The following HORMAD2 variants were observed in gnomAD, a reference collection of about 807,000 sequenced individuals.
HORMAD2 encodes HORMA domain-containing protein 2.
HORMAD2 carries 45 observed loss-of-function variants against 38.8 expected under a neutral mutation model. The observed-to-expected ratio is 1.16, with a 90% confidence interval of 0.91 to 1.49. HORMAD2 has a LOEUF of 1.49. Ranked by LOEUF, HORMAD2 falls within the 40% of genes most tolerant of loss-of-function variation. The probability of loss-of-function intolerance (pLI) is 0.00; values close to 1 mark genes in which losing one functional copy is unlikely to be tolerated. For synonymous variants in HORMAD2, 126 were observed against 122.8 expected, an observed-to-expected ratio of 1.03 and a Z score of -0.17; for missense variants, 338 against 367.0, an observed-to-expected ratio of 0.92 and a Z score of 0.65.
chr22:30,132,222 T>C lies in HORMAD2; in HGVS notation c.819+10008T>C, dbSNP rs115424829. On this transcript the variant is annotated intron_variant, in intron 10 of 10. Transcript: ENST00000336726. ...CAAGAATATCTCAGATTCTTGGAAG[T>C]GGGGTAGATTATTGAAAGCACTGGA... 4.7e-3 allele frequency among the ~76,000 whole-genome samples: 722 copies of C among 152,172 alleles called. 8 individuals carry two copies. The highest frequency in any genetic ancestry group is 0.016 in the African/African-American group (684 of 41,542).
At chr22:30,127,613 G>T (rs1173967478) in intron 10 of HORMAD2, among the ~76,000 whole-genome samples, 1 of 152,164 alleles carries the variant, frequency 6.6e-6, no homozygotes, top group Non-Finnish European at 1.5e-5. Flanking sequence ...CAAGTGCTGG[G>T]ATTATAGGCG....
chr22:30,081,653 G>A (rs1014856237), intron 1 of HORMAD2, among the ~76,000 whole-genome samples: 5 of 151,918 alleles, frequency 3.3e-5, no homozygotes, highest in Non-Finnish European at 7.4e-5. Context: ...TCAGCTCACT[G>A]CAACCTCCAC....
At chr22:30,111,980 A>G (rs1239993400) in intron 6 of HORMAD2, among the ~76,000 whole-genome samples, 164 bp downstream of exon 6, 1 of 151,988 alleles carries the variant, frequency 6.6e-6, no homozygotes, top group African/African-American at 2.4e-5. Context: ...ATAAAAGATT[A>G]TGAATTGTAT....
Position 30,177,013 on chromosome 22 carries a change from A to C in HORMAD2, c.*846A>C, listed in dbSNP as rs1293832970. 6.5e-6 allele frequency: 1 copy of C among 152,734 alleles called. No individual in the cohort carries two copies. The highest frequency in any genetic ancestry group is 2.4e-5 in the African/African-American group (1 of 41,446). The allele number at this position is 152,734 out of a possible 1,614,324, so 9.5% of individuals were successfully genotyped here. On this transcript the variant is annotated 3_prime_UTR_variant, in exon 11 of 11. Coordinates refer to ENST00000336726, the MANE Select transcript of HORMAD2 (RefSeq NM_152510.4). ...AGGTTTAGTAATTTAATTTAAATGG[A>C]TAGGACCAATAAGTTAAATATTAAG...
chr22:30,160,057 C>A (rs886937129), intron 10 of HORMAD2, among the ~76,000 whole-genome samples: 2 of 151,982 alleles, frequency 1.3e-5, no homozygotes, highest in African/African-American at 4.8e-5. Context: ...CTGCTTGTAC[C>A]TTTATTTAGC....
intron 10 of HORMAD2, among the ~76,000 whole-genome samples, chr22:30,144,353 G>A (rs532807195): frequency 1.2e-4 from 19 of 152,314 alleles, no homozygotes; most frequent in Middle Eastern, 3.4e-3. Context: ...AAACTGGCCA[G>A]CCTACAGTTT....
At chr22:30,184,705 G>C in the HORMAD2 span, 2 of 152,184 alleles carry the variant, frequency 1.3e-5, no homozygotes, top group Non-Finnish European at 2.9e-5. Context: ...ACACCGTGCT[G>C]CCTAAAGCCT....
intron 1 of HORMAD2, chr22:30,081,311 T>C (rs1470410511): frequency 6.6e-6 from 1 of 152,218 alleles, no homozygotes; most frequent in African/African-American, 2.4e-5. Context: ...CCTGGCACAT[T>C]GTAGTTGCCT....
intron 1 of HORMAD2, among the ~76,000 whole-genome samples, chr22:30,091,244 CTCTT>C (rs2068676511): frequency 6.8e-6 from 1 of 147,380 alleles, no homozygotes; most frequent in Non-Finnish European, 1.5e-5. Context: ...CTCTCTCTCT[CTCTT>C]TCTTTCTCTC....
intron 10 of HORMAD2, among the ~76,000 whole-genome samples, chr22:30,127,568 C>G (rs1922972921): frequency 6.6e-6 from 1 of 152,154 alleles, no homozygotes; most frequent in Non-Finnish European, 1.5e-5. Flanking sequence ...GTCTCAAATT[C>G]CTGAGTTCAA....
At chr22:30,200,731 GTAT>G in the HORMAD2 span, among the ~76,000 whole-genome samples, 2,265 of 141,536 alleles carry the variant, frequency 0.016, 53 homozygotes, top group African/African-American at 0.05. Flanking sequence ...CAACAGAAAT[GTAT>G]TATTATTATT....
At chr22:30,164,979 G>C (rs952027855) in intron 10 of HORMAD2, among the ~76,000 whole-genome samples, 2 of 151,812 alleles carry the variant, frequency 1.3e-5, no homozygotes, top group African/African-American at 4.8e-5. Context: ...TTTTTCTTTT[G>C]CCTTTGTTTT....
At chr22:30,088,840 A>G (rs2068631655) in intron 1 of HORMAD2, among the ~76,000 whole-genome samples, 1 of 151,966 alleles carries the variant, frequency 6.6e-6, no homozygotes, top group Non-Finnish European at 1.5e-5. Flanking sequence ...TGGGTAGTGT[A>G]TTATGGTTTA....
At chr22:30,148,146 TTATTA>T (rs1924533100) in intron 10 of HORMAD2, among the ~76,000 whole-genome samples, 1 of 152,144 alleles carries the variant, frequency 6.6e-6, no homozygotes, top group African/African-American at 2.4e-5. Flanking sequence ...GTACAGTGAA[TTATTA>T]CTAGCAATAA....
the HORMAD2 span, among the ~76,000 whole-genome samples, chr22:30,188,749 T>G: frequency 6.6e-6 from 1 of 152,198 alleles, no homozygotes; most frequent in Admixed American, 6.5e-5. Context: ...CTCCTTATTT[T>G]TTCCTTTAAA....
chr22:30,186,374 TCTGTTTACTTA>T, the HORMAD2 span, among the ~76,000 whole-genome samples: 2 of 148,374 alleles, frequency 1.3e-5, no homozygotes, highest in African/African-American at 5.1e-5. Flanking sequence ...TTTTTTTTTT[TCTGTTTACTTA>T]TTTCTGCCAG....
intron 1 of HORMAD2, among the ~76,000 whole-genome samples, chr22:30,081,589 T>A (rs1269312122): frequency 1.3e-5 from 2 of 151,884 alleles, no homozygotes; most frequent in Admixed American, 6.6e-5. Flanking sequence ...TTTTCTTTTT[T>A]TTTTGTGAGA....
intron 2 of HORMAD2, among the ~76,000 whole-genome samples, chr22:30,095,136 T>C (rs1411993247): frequency 6.6e-6 from 1 of 152,190 alleles, no homozygotes; most frequent in African/African-American, 2.4e-5. Flanking sequence ...TGGGTCTTCT[T>C]CTGTCTGTGT....
chr22:30,193,450 T>G, the HORMAD2 span, among the ~76,000 whole-genome samples: 1 of 152,258 alleles, frequency 6.6e-6, no homozygotes, highest in East Asian at 1.9e-4. Flanking sequence ...ATAAAATCAT[T>G]AAACCTTGTG....
Sources: allele counts gnomAD v4.1 joint callset (sites outside exome capture counted in the v4.1 genomes callset), GRCh38; gene constraint gnomAD v4.1.1; transcripts MANE v1.5; gene names NCBI Gene and HGNC (gene_info 2026-07-23, HGNC 2026-07-21).